Variants in PLD5 observed in about 807,000 individuals in gnomAD.
PLD5 encodes the protein inactive phospholipase D5.
Under a neutral mutation model 61.1 loss-of-function variants are expected in PLD5, and 36 were observed. The observed-to-expected ratio is 0.59, with a 90% CI of 0.45 to 0.78. The LOEUF (loss-of-function observed/expected upper bound fraction) is 0.78. Ranked by LOEUF, PLD5 falls within the 30% of genes least tolerant of loss-of-function variation. The pLI is 0.00. For synonymous variants in PLD5, 243 were observed against 242.8 expected, an observed-to-expected ratio of 1.00 and a Z score of -0.01; for missense variants, 515 against 644.4, an observed-to-expected ratio of 0.80 and a Z score of 2.17.
chr1:242,230,692 A>G (rs939655905), intron 4 of PLD5, among the ~76,000 whole-genome samples: 3 of 152,104 alleles, frequency 2.0e-5, no homozygotes, highest in East Asian at 1.9e-4. Context: ...AACTTTTAAG[A>G]TAATCAATTA....
chr1:242,484,083 A>G (rs1244253561), intron 1 of PLD5, among the ~76,000 whole-genome samples: 2 of 152,338 alleles, frequency 1.3e-5, no homozygotes, highest in African/African-American at 4.8e-5. Context: ...AATTTATAGC[A>G]CTAAATGCCC....
chr1:242,340,428 A>T (rs985458544), intron 2 of PLD5, among the ~76,000 whole-genome samples: 2 of 152,066 alleles, frequency 1.3e-5, no homozygotes, highest in Admixed American at 1.3e-4. Flanking sequence ...ATAAGGGGAA[A>T]ATTTATAGTT....
chr1:242,331,187 T>G (rs1042299177), intron 2 of PLD5, among the ~76,000 whole-genome samples: 10 of 152,218 alleles, frequency 6.6e-5, no homozygotes, highest in Non-Finnish European at 1.5e-4. Flanking sequence ...CCACAGTTCC[T>G]GACACAAACA....
intron 3 of PLD5, among the ~76,000 whole-genome samples, chr1:242,268,195 G>A (rs1673819786): frequency 6.6e-6 from 1 of 152,034 alleles, no homozygotes; most frequent in Admixed American, 6.6e-5. Flanking sequence ...TTACTCCATT[G>A]AAGGTTTGGT....
chr1:242,391,394 T>C (rs529847963), intron 1 of PLD5, among the ~76,000 whole-genome samples: 1 of 151,842 alleles, frequency 6.6e-6, no homozygotes, highest in Admixed American at 6.6e-5. Flanking sequence ...AAATGGAAAA[T>C]TTTTTCCTAA....
chr1:242,304,564 G>T (rs1018768886), intron 2 of PLD5, among the ~76,000 whole-genome samples: 2 of 152,188 alleles, frequency 1.3e-5, no homozygotes, highest in African/African-American at 4.8e-5. Flanking sequence ...ACCCCCAAAA[G>T]TAGCACGTAA....
At chr1:242,101,538 A>AAG (rs1166025473) in intron 8 of PLD5, among the ~76,000 whole-genome samples, 1 of 152,180 alleles carries the variant, frequency 6.6e-6, no homozygotes, top group African/African-American at 2.4e-5. Context: ...AGCTCACTGG[A>AAG]AGACACTAGT....
At chr1:242,165,676 T>C (rs1666257371) in intron 5 of PLD5, among the ~76,000 whole-genome samples, 2 of 152,170 alleles carry the variant, frequency 1.3e-5, no homozygotes, top group Admixed American at 6.5e-5. Flanking sequence ...CCATTTTAAA[T>C]GTAGGTTTAA....
chr1:242,116,769 A>G (rs1661977508), intron 6 of PLD5, among the ~76,000 whole-genome samples: 1 of 152,158 alleles, frequency 6.6e-6, no homozygotes, highest in Non-Finnish European at 1.5e-5. Context: ...GTTGCATAGT[A>G]TTCCATGGTG....
intron 5 of PLD5, among the ~76,000 whole-genome samples, chr1:242,181,243 G>T (rs912638791): frequency 1.3e-5 from 2 of 152,130 alleles, no homozygotes; most frequent in African/African-American, 4.8e-5. Context: ...TGCCAATACT[G>T]CTGGTCTGCA....
chr1:242,497,454 A>C (rs1668407955), intron 1 of PLD5, among the ~76,000 whole-genome samples: 1 of 152,106 alleles, frequency 6.6e-6, no homozygotes. Context: ...AATTTTCTAT[A>C]TGTATGGGCC....
chr1:242,313,233 T>C (rs1227009134), intron 2 of PLD5, among the ~76,000 whole-genome samples: 1 of 152,210 alleles, frequency 6.6e-6, no homozygotes, highest in African/African-American at 2.4e-5. Flanking sequence ...CTGCCTTAAT[T>C]ATGCTTTAAT....
At chr1:242,327,489 T>C (rs1391761550) in intron 2 of PLD5, among the ~76,000 whole-genome samples, 1 of 152,214 alleles carries the variant, frequency 6.6e-6, no homozygotes, top group Non-Finnish European at 1.5e-5. Flanking sequence ...CAGAACAATG[T>C]GCTGAACAGC....
intron 1 of PLD5, among the ~76,000 whole-genome samples, chr1:242,395,655 G>A (rs74822447): frequency 2.0e-5 from 3 of 152,254 alleles, no homozygotes; most frequent in South Asian, 2.1e-4. Flanking sequence ...AGATGACCAC[G>A]GCTAATGGAA....
chr1:242,526,638 G>A (rs907604500), upstream of PLD5, among the ~76,000 whole-genome samples: 1 of 152,108 alleles, frequency 6.6e-6, no homozygotes, highest in African/African-American at 2.4e-5. Flanking sequence ...GTTTCACCAC[G>A]TTGGCCAGGC....
intron 1 of PLD5, among the ~76,000 whole-genome samples, chr1:242,470,383 A>G (rs60095111): frequency 0.18 from 14,932 of 83,554 alleles, 1,101 homozygotes; most frequent in African/African-American, 0.35. Context: ...AGAAAGAAAA[A>G]AAAGAAAGAA....
chr1:242,109,406 A>T (rs2148691214), intron 7 of PLD5, among the ~76,000 whole-genome samples: 1 of 152,200 alleles, frequency 6.6e-6, no homozygotes, highest in Admixed American at 6.5e-5. Context: ...TGAACCCAGG[A>T]GGTGGAGGTT....
Position 242,483,056 on chromosome 1 carries a change from A to G in PLD5, c.189+41032T>C, listed in dbSNP as rs980745892. Among the ~76,000 whole-genome samples the G allele has an allele frequency of 5.3e-5, 8 of 152,346 alleles. No individual in the cohort carries two copies. In the South Asian group the frequency reaches 8.3e-4, roughly 16 times the overall value. On this transcript the variant is annotated intron_variant, in intron 1 of 9. Coordinates refer to ENST00000536534, the MANE Select transcript of PLD5 (RefSeq NM_001372062.1). ...CCTGCCCTACAAGAGCTCCTGAAGG[A>G]AGCACTAAACATGGAAAGGAACAGC...
chr1:242,326,965 AAGC>A, intron 2 of PLD5, among the ~76,000 whole-genome samples: 1 of 151,890 alleles, frequency 6.6e-6, no homozygotes, highest in East Asian at 1.9e-4. Flanking sequence ...TCCCAGATTC[AAGC>A]GATTCTCCTG....
Sources: allele counts gnomAD v4.1 joint callset (sites outside exome capture counted in the v4.1 genomes callset), GRCh38; gene constraint gnomAD v4.1.1; transcripts MANE v1.5; gene names NCBI Gene and HGNC (gene_info 2026-07-23, HGNC 2026-07-21).